The following ROR2 variants were observed in gnomAD, a reference collection of about 807,000 sequenced individuals.
ROR2 encodes the protein ROR family WNT receptor 2, also known as tyrosine-protein kinase transmembrane receptor ROR2.
ROR2 carries 33 observed loss-of-function variants against 74.9 expected under a neutral mutation model. The observed-to-expected ratio is 0.44, with a 90% CI of 0.33 to 0.59. The LOEUF is 0.59. ROR2 is among the 20% of genes least tolerant of loss of function. ROR2 has a pLI of 0.02. For synonymous variants in ROR2, 586 were observed against 558.7 expected, an observed-to-expected ratio of 1.05 and a Z score of -0.69; for missense variants, 1,216 against 1,313.8, an observed-to-expected ratio of 0.93 and a Z score of 1.15.
chr9:91,830,822 G>GTC (rs922582325), intron 1 of ROR2, among the ~76,000 whole-genome samples: 2 of 148,850 alleles, frequency 1.3e-5, no homozygotes, highest in African/African-American at 5.0e-5. Context: ...GTGTGTGTGT[G>GTC]TGTGTGTGTG....
At chr9:91,867,744 A>G (rs1183291793) in intron 1 of ROR2, among the ~76,000 whole-genome samples, 1 of 150,270 alleles carries the variant, frequency 6.7e-6, no homozygotes, top group East Asian at 2.0e-4. Flanking sequence ...TGCACAGCAG[A>G]ACACCACCCC....
intron 4 of ROR2, among the ~76,000 whole-genome samples, chr9:91,744,627 T>A (rs1468940888): frequency 6.6e-6 from 1 of 152,224 alleles, no homozygotes; most frequent in Non-Finnish European, 1.5e-5. Context: ...CTGACTGTAC[T>A]GATAACAGAT....
chr9:91,750,745 T>A (rs1021412939), intron 4 of ROR2, among the ~76,000 whole-genome samples: 1 of 152,154 alleles, frequency 6.6e-6, no homozygotes, highest in Non-Finnish European at 1.5e-5. Context: ...AGAATGACCA[T>A]GAAAATACCA....
rs112961616 is a variant in ROR2, at chr9:91,824,979, C to T, written c.98-49161G>A. On this transcript the variant is annotated intron_variant, in intron 1 of 8. Coordinates refer to ENST00000375708, the MANE Select transcript of ROR2 (RefSeq NM_004560.4). ...CCAAGGAAATGAAAAGGAAGGGGGG[C>T]GATCTGGGCTTGGGTCCTGTTCCCA... is the stretch of plus-strand genomic sequence containing the variant. Among the ~76,000 whole-genome samples the T allele has an allele frequency of 3.0e-3, 460 of 152,310 alleles. 4 individuals are homozygous for T. The highest frequency in any genetic ancestry group is 9.9e-3 in the African/African-American group (411 of 41,576).
intron 1 of ROR2, among the ~76,000 whole-genome samples, chr9:91,926,732 G>A (rs1289874209): frequency 2.0e-5 from 3 of 152,050 alleles, no homozygotes; most frequent in Non-Finnish European, 4.4e-5. Flanking sequence ...AGTGAAACAG[G>A]CCAGGCACAA....
chr9:91,751,611 A>C (rs529092674), intron 4 of ROR2, among the ~76,000 whole-genome samples: 1 of 152,314 alleles, frequency 6.6e-6, no homozygotes, highest in South Asian at 2.1e-4. Flanking sequence ...AAACTAGCAA[A>C]TCCAGATTGA....
rs908784530 is a variant in ROR2, at chr9:91,900,195, G to A, written c.97+49672C>T. 3.9e-5 allele frequency among the ~76,000 whole-genome samples: 6 copies of A among 152,168 alleles called. No homozygotes were observed. The South Asian group carries it at 6.2e-4, about 16-fold the overall frequency. On this transcript the variant is annotated intron_variant, in intron 1 of 8. Coordinates refer to ENST00000375708, the MANE Select transcript of ROR2 (RefSeq NM_004560.4). Reference sequence around the variant, plus strand: ...CCCCCAGATAAGCTCAGGATGCAGCGGGTCCCCCAGGGCCGCCAGGGGGTG... The same window carrying A: ...CCCCCAGATAAGCTCAGGATGCAGCAGGTCCCCCAGGGCCGCCAGGGGGTG...
chr9:91,842,352 T>C (rs1213367257), intron 1 of ROR2, among the ~76,000 whole-genome samples: 1 of 152,222 alleles, frequency 6.6e-6, no homozygotes, highest in Admixed American at 6.5e-5. Flanking sequence ...CCAGGTGCCA[T>C]GCATGTGTTA....
intron 2 of ROR2, among the ~76,000 whole-genome samples, chr9:91,763,240 G>A (rs775813015): frequency 3.3e-5 from 5 of 152,170 alleles, no homozygotes; most frequent in Non-Finnish European, 7.3e-5. Flanking sequence ...CATTACCTAG[G>A]TGACAAAGTA....
intron 1 of ROR2, among the ~76,000 whole-genome samples, chr9:91,793,965 T>C (rs1238609296): frequency 1.3e-5 from 2 of 152,210 alleles, no homozygotes; most frequent in Non-Finnish European, 2.9e-5. Context: ...AAATCTCTGC[T>C]GCACCATAAG....
At chr9:91,836,337 C>T (rs1329398341) in intron 1 of ROR2, among the ~76,000 whole-genome samples, 1 of 152,018 alleles carries the variant, frequency 6.6e-6, no homozygotes, top group Admixed American at 6.6e-5. Flanking sequence ...GTCAGGAGTT[C>T]GAAGCCAGCC....
At chr9:91,900,533 C>T (rs886185152) in intron 1 of ROR2, among the ~76,000 whole-genome samples, 1 of 152,206 alleles carries the variant, frequency 6.6e-6, no homozygotes, top group African/African-American at 2.4e-5. Flanking sequence ...AGGAAGGCAC[C>T]GCGTGGCATC....
chr9:91,859,766 A>G (rs1829413515), intron 1 of ROR2, among the ~76,000 whole-genome samples: 1 of 152,196 alleles, frequency 6.6e-6, no homozygotes, highest in African/African-American at 2.4e-5. Context: ...CAGAGCTTGC[A>G]GTGAGCTGAG....
chr9:91,756,109 G>C lies in ROR2; in HGVS notation c.464-8C>G, dbSNP rs1825741985. ...TTGGGCTGTGCGTTGGACCTAAAAA[G>C]AGGAAACAAAAAGACAAGTTATTAA... On this transcript the variant is annotated splice_polypyrimidine_tract_variant and splice_region_variant and intron_variant, in intron 3 of 8. Transcript: ENST00000375708. 6.2e-7 allele frequency: 1 copy of C among 1,613,798 alleles called. No individual in the cohort carries two copies. The highest frequency in any genetic ancestry group is 8.5e-7 in the Non-Finnish European group (1 of 1,179,686).
chr9:91,732,275 A>G (rs910163323), intron 6 of ROR2, among the ~76,000 whole-genome samples: 1 of 152,204 alleles, frequency 6.6e-6, no homozygotes, highest in African/African-American at 2.4e-5. Flanking sequence ...AGACATAAGC[A>G]GCGCTCCCTG....
chr9:91,823,134 C>CA (rs1385736715), intron 1 of ROR2, among the ~76,000 whole-genome samples: 1 of 152,144 alleles, frequency 6.6e-6, no homozygotes, highest in African/African-American at 2.4e-5. Flanking sequence ...AGCTATTAAA[C>CA]ACATTCTGAA....
At chr9:91,868,680 CA>C (rs1829710268) in intron 1 of ROR2, among the ~76,000 whole-genome samples, 1 of 152,176 alleles carries the variant, frequency 6.6e-6, no homozygotes, top group South Asian at 2.1e-4. Context: ...TTAAAGTGCT[CA>C]AAGACACAGA....
intron 2 of ROR2, among the ~76,000 whole-genome samples, chr9:91,768,150 G>A (rs1482365660): frequency 6.6e-6 from 1 of 152,154 alleles, no homozygotes; most frequent in Non-Finnish European, 1.5e-5. Flanking sequence ...GGCACAGACT[G>A]TCCCCAGAGC....
At chr9:91,843,716 G>C (rs1828848146) in intron 1 of ROR2, among the ~76,000 whole-genome samples, 1 of 152,240 alleles carries the variant, frequency 6.6e-6, no homozygotes, top group Non-Finnish European at 1.5e-5. Flanking sequence ...GGGGCAGCAG[G>C]AGGAGCCCCA....
Sources: allele counts gnomAD v4.1 joint callset (sites outside exome capture counted in the v4.1 genomes callset), GRCh38; gene constraint gnomAD v4.1.1; transcripts MANE v1.5; gene names NCBI Gene and HGNC (gene_info 2026-07-23, HGNC 2026-07-21).